Variants in USP42 observed in about 807,000 individuals in gnomAD.
The protein encoded by USP42 is ubiquitin specific peptidase 42, also known as ubiquitin carboxyl-terminal hydrolase 42.
In USP42, 23 loss-of-function variants were observed where a neutral mutation model predicts 113.0. The observed-to-expected ratio is 0.20, with a 90% CI of 0.15 to 0.29. The LOEUF is 0.29. USP42 is among the 10% of genes least tolerant of loss of function. USP42 has a pLI of 1.00. For synonymous variants in USP42, 933 were observed against 699.0 expected (o/e 1.33, Z -5.28); for missense variants, 2,174 against 1,779.8 (o/e 1.22, Z -3.99).
chr7:6,150,188 C>T lies in USP42; in HGVS notation c.1992C>T (p.Asp664=). ...CCCTAAACGGTGCTAATAGTGCAGA[C>T]AGCGACAGTGACCCGAAAGAAAACG... ...PMTLNGANSA[D]SDSDPKENGL... The change falls in exon 13 of 18, where the codon GAC becomes GAT. Residue 664 remains aspartate, a synonymous_variant. Transcript: ENST00000306177. 1 of 1,613,952 alleles carries T rather than the reference C, an allele frequency of 6.2e-7. No individual in the cohort carries two copies. The highest frequency in any genetic ancestry group is 8.5e-7 in the Non-Finnish European group (1 of 1,179,890).
the USP42 span, among the ~76,000 whole-genome samples, chr7:6,094,177 C>A: frequency 6.8e-6 from 1 of 147,656 alleles, no homozygotes; most frequent in Admixed American, 6.7e-5. Context: ...CCACCATGCC[C>A]GGCCTGTTGT....
rs1334053750 is a variant in USP42, at chr7:6,150,522, A to C, written c.2201+16A>C. ...ATGAAATGAGGTAACGTAAGAGTACATCTGAGGCACGTGTGGCAGCATAGT... is the reference window on the plus strand; with the variant it reads ...ATGAAATGAGGTAACGTAAGAGTACCTCTGAGGCACGTGTGGCAGCATAGT... On this transcript the variant is annotated intron_variant, in intron 14 of 17. Transcript: ENST00000306177. The C allele has an allele frequency of 6.2e-7, 1 of 1,610,086 alleles. No individual in the cohort carries two copies. Among genetic ancestry groups the C allele is most frequent in the Non-Finnish European group, 8.5e-7 (1 of 1,176,386 alleles).
chr7:6,151,629 G>C (rs968427769), intron 14 of USP42, among the ~76,000 whole-genome samples: 3 of 152,058 alleles, frequency 2.0e-5, no homozygotes, highest in Non-Finnish European at 4.4e-5. Flanking sequence ...TTTTAGTAGA[G>C]ACAGGGTTTT....
Position 6,157,072 on chromosome 7 carries a change from G to T in USP42, c.3943+17G>T. 6.4e-7 allele frequency: 1 copy of T among 1,555,774 alleles called. No individual in the cohort carries two copies. Among genetic ancestry groups the T allele is most frequent in the Non-Finnish European group, 8.7e-7 (1 of 1,155,268 alleles). On this transcript the variant is annotated intron_variant, in intron 16 of 17. Transcript: ENST00000306177. This position sits in a 1 kb window ranked among gnomAD's most constrained non-coding sequence, Gnocchi z 4.1. The stretch of plus-strand genomic sequence containing the variant: ...ATGGCCAGGGTAAGAGGAGATACTT[G>T]GAATTAGGAAGATAGAAACTATTTC...
chr7:6,085,554 T>C, the USP42 span, among the ~76,000 whole-genome samples: 1 of 149,376 alleles, frequency 6.7e-6, no homozygotes, highest in South Asian at 2.1e-4. Context: ...ACCTGCTGTA[T>C]AATAGTGTCA....
At chr7:6,131,577 G>T (rs1033458782) in intron 3 of USP42, among the ~76,000 whole-genome samples, 2 of 152,164 alleles carry the variant, frequency 1.3e-5, no homozygotes, top group African/African-American at 4.8e-5. Context: ...GTCACACGAG[G>T]CTGCCCCTTC....
In USP42 at chr7:6,151,732, C is replaced by T. The variant is rs186471787; in HGVS notation, c.2201+1226C>T. 4.9e-4 allele frequency among the ~76,000 whole-genome samples: 74 copies of T among 152,316 alleles called. 1 individual carries two copies. Among genetic ancestry groups the T allele is most frequent in the African/African-American group, 1.6e-3 (68 of 41,562 alleles). ...GGCTGGGATTCCAGACGTGAGCCAC[C>T]GTGCCCGGCCAGCAGAGTCGTTTAT... On this transcript the variant is annotated intron_variant, in intron 14 of 17. Coordinates refer to ENST00000306177, the MANE Select transcript of USP42 (RefSeq NM_032172.3).
the USP42 span, among the ~76,000 whole-genome samples, chr7:6,096,124 T>C: frequency 6.6e-6 from 1 of 150,898 alleles, no homozygotes; most frequent in African/African-American, 2.5e-5. Context: ...TGTTCGTGTT[T>C]TTCCACTGAG....
the USP42 span, chr7:6,084,528 A>G: frequency 6.6e-6 from 1 of 151,156 alleles, no homozygotes; most frequent in African/African-American, 2.5e-5. Context: ...TTGCCCCAGG[A>G]TATTTTTCTA....
intron 4 of USP42, among the ~76,000 whole-genome samples, chr7:6,137,188 A>G (rs180703163): frequency 1.8e-4 from 28 of 152,360 alleles, no homozygotes; most frequent in African/African-American, 6.0e-4. Context: ...ATACAGTAAC[A>G]AACTGTAATC....
At chr7:6,115,643 T>C (rs548918924) in intron 3 of USP42, 120 bp downstream of exon 3, 2 of 1,278,288 alleles carry the variant, frequency 1.6e-6, no homozygotes, top group Admixed American at 4.6e-5. Context: ...AGTTGGTTTA[T>C]TCTTTTAGAA....
intron 1 of USP42, among the ~76,000 whole-genome samples, chr7:6,110,697 G>C (rs1779554148): frequency 6.6e-6 from 1 of 152,126 alleles, no homozygotes; most frequent in Non-Finnish European, 1.5e-5. Context: ...GCTTTTCTCT[G>C]AGGAATTATA....
At chr7:6,147,350 C>G (rs1365555598) in intron 11 of USP42, among the ~76,000 whole-genome samples, 1 of 152,142 alleles carries the variant, frequency 6.6e-6, no homozygotes, top group African/African-American at 2.4e-5. Flanking sequence ...GTGGTCCCAG[C>G]TACTCAGGAG....
At chr7:6,114,087 T>C (rs1261615844) in intron 2 of USP42, among the ~76,000 whole-genome samples, 1 of 152,324 alleles carries the variant, frequency 6.6e-6, no homozygotes, top group South Asian at 2.1e-4. Context: ...CTTCAAAATT[T>C]TTAGGTCATA....
At chr7:6,116,425 T>G (rs1779915257) in intron 3 of USP42, 1 of 171,344 alleles carries the variant, frequency 5.8e-6, no homozygotes, top group African/African-American at 2.4e-5. Context: ...TTTTTGAGGT[T>G]TTGGCCTTCT....
At chr7:6,112,766 T>C (rs1779666798) in intron 2 of USP42, among the ~76,000 whole-genome samples, 1 of 152,116 alleles carries the variant, frequency 6.6e-6, no homozygotes, top group Admixed American at 6.6e-5. Flanking sequence ...TCGTTAGTGT[T>C]AGTGTTAGTG....
At chr7:6,106,430 T>C (rs981461927) in intron 1 of USP42, among the ~76,000 whole-genome samples, 1 of 152,218 alleles carries the variant, frequency 6.6e-6, no homozygotes, top group Non-Finnish European at 1.5e-5. Context: ...GAATAATGCA[T>C]TCTAGCATTT....
chr7:6,082,224 G>A, the USP42 span, among the ~76,000 whole-genome samples: 1 of 151,816 alleles, frequency 6.6e-6, no homozygotes, highest in Non-Finnish European at 1.5e-5. Flanking sequence ...GGCCTCCCGG[G>A]TTCACGCCAT....
chr7:6,159,955 C>G lies in USP42; in HGVS notation c.*36+462C>G, dbSNP rs1465418739. Among the ~76,000 whole-genome samples the G allele has an allele frequency of 1.3e-5, 2 of 152,246 alleles. No individual in the cohort carries two copies. Among genetic ancestry groups the G allele is most frequent in the Admixed American group, 1.3e-4 (2 of 15,286 alleles). ...TGGCACTGAGCTGGAGCCAGCACCC[C>G]CCCAGCAGCCACCGTACAAAACCAT... On this transcript the variant is annotated intron_variant, in intron 17 of 17. Coordinates refer to ENST00000306177, the MANE Select transcript of USP42 (RefSeq NM_032172.3). This position sits in a 1 kb window ranked among gnomAD's most constrained non-coding sequence, Gnocchi z 4.1.
Sources: allele counts gnomAD v4.1 joint callset (sites outside exome capture counted in the v4.1 genomes callset), GRCh38; gene constraint gnomAD v4.1.1; non-coding constraint Gnocchi (gnomAD v3.1); transcripts MANE v1.5; gene names NCBI Gene and HGNC (gene_info 2026-07-23, HGNC 2026-07-21).